BUB1B: variants seen among roughly 807,000 people sequenced by gnomAD.
BUB1B encodes BUB1 mitotic checkpoint serine/threonine kinase B, also known as mitotic checkpoint serine/threonine-protein kinase BUB1 beta.
BUB1B carries 86 observed loss-of-function variants against 137.7 expected under a neutral mutation model. The ratio of observed to expected loss-of-function variants is 0.62; its 90% CI spans 0.52 to 0.75. The LOEUF is 0.75. BUB1B is among the 30% of genes least tolerant of loss of function. The pLI is 0.00. For synonymous variants in BUB1B, 420 were observed against 417.9 expected, an observed-to-expected ratio of 1.00 and a Z score of -0.06; for missense variants, 1,130 against 1,236.9, an observed-to-expected ratio of 0.91 and a Z score of 1.30.
chr15:40,195,560 T>C lies in BUB1B; in HGVS notation c.1059-985T>C, dbSNP rs913796743. On this transcript the variant is annotated intron_variant, in intron 8 of 22. Transcript: ENST00000287598. ...TTAGTTCCTTAAGGAATCTCCGTAC[T>C]GTTTTCCATAGTGGTTGTACGAGTT... 7.9e-5 allele frequency among the ~76,000 whole-genome samples: 12 copies of C among 152,248 alleles called. 1 individual carries two copies. Among genetic ancestry groups the C allele is most frequent in the Admixed American group, 7.9e-4 (12 of 15,284 alleles).
chr15:40,220,622 G>C lies in BUB1B; in HGVS notation c.3016G>C (p.Glu1006Gln). The C allele has an allele frequency of 6.2e-7, 1 of 1,614,208 alleles. No individual in the cohort carries two copies. Among genetic ancestry groups the C allele is most frequent in the Non-Finnish European group, 8.5e-7 (1 of 1,180,034 alleles). Residue 1006 changes from glutamate to glutamine, a missense_variant, in exon 23 of 23, where the codon GAG becomes CAG. By Grantham distance (29) the Glu-to-Gln change is conservative. Transcript: ENST00000287598. ...TGTGCGGATTCTGAATGCCAATGAT[G>C]AGGCCACAGTGTCTGTTCTTGGGGA... ...FFVRILNANDEATVSVLGELA... is the reference protein window; with the variant it reads ...FFVRILNANDQATVSVLGELA...
At chr15:40,217,428 A>G in intron 20 of BUB1B, 68 bp from the exon 21 acceptor site, 2 of 1,427,286 alleles carry the variant, frequency 1.4e-6, no homozygotes, top group Non-Finnish European at 1.9e-6. Flanking sequence ...TTTTTTTTTT[A>G]AAGACCAGCT....
At position 40,185,389 on chromosome 15, in the gene BUB1B, C is replaced by T. The variant is rs759939155; in HGVS notation, c.966+10C>T. The T allele has an allele frequency of 1.2e-6, 2 of 1,613,622 alleles. No individual in the cohort carries two copies. The highest frequency in any genetic ancestry group is 1.7e-6 in the Non-Finnish European group (2 of 1,179,758). ...GTCCTTGGAACACAGGGTAAGGACT[C>T]TTAGATCCAGTGCTTTGCTGACACA... On this transcript the variant is annotated intron_variant, in intron 7 of 22. Transcript: ENST00000287598.
intron 18 of BUB1B, among the ~76,000 whole-genome samples, 155 bp from the exon 19 acceptor site, chr15:40,212,344 A>G (rs188153383): frequency 6.6e-6 from 1 of 152,316 alleles, no homozygotes; most frequent in East Asian, 1.9e-4. Flanking sequence ...TCTTTCCAGA[A>G]TTTGTTGTTA....
rs185599777 is a variant in BUB1B, at chr15:40,192,892, C to T, written c.1059-3653C>T. 2.1e-3 allele frequency among the ~76,000 whole-genome samples: 324 copies of T among 152,306 alleles called. 1 individual carries two copies. The highest frequency in any genetic ancestry group is 7.5e-3 in the Admixed American group (114 of 15,298). On this transcript the variant is annotated intron_variant, in intron 8 of 22. Coordinates refer to ENST00000287598, the MANE Select transcript of BUB1B (RefSeq NM_001211.6). The stretch of plus-strand genomic sequence containing the variant: ...TGTTTTAAATAGTCTTGTTCTTTCA[C>T]CTACGCTGGAGTACAGTAGCATGAT...
chr15:40,180,775 G>T (rs960407200), intron 5 of BUB1B, among the ~76,000 whole-genome samples: 1 of 146,982 alleles, frequency 6.8e-6, no homozygotes, highest in Non-Finnish European at 1.5e-5. Context: ...TCAGCCTCCC[G>T]AGTAGCTGGG....
intron 14 of BUB1B, among the ~76,000 whole-genome samples, chr15:40,205,441 A>T (rs1033963716): frequency 6.6e-6 from 1 of 152,196 alleles, no homozygotes; most frequent in African/African-American, 2.4e-5. Flanking sequence ...AATCTCTCTG[A>T]GGACAGCTAA....
chr15:40,191,371 C>CGGGAA (rs2037435857), intron 8 of BUB1B, among the ~76,000 whole-genome samples: 1 of 152,154 alleles, frequency 6.6e-6, no homozygotes, highest in Non-Finnish European at 1.5e-5. Context: ...GATACAACTT[C>CGGGAA]TTTTCGGATA....
At chr15:40,180,501 A>G (rs1044124249) in intron 5 of BUB1B, among the ~76,000 whole-genome samples, 1 of 151,520 alleles carries the variant, frequency 6.6e-6, no homozygotes, top group Non-Finnish European at 1.5e-5. Flanking sequence ...CCTGACCTCA[A>G]ATGGTCTGCC....
intron 6 of BUB1B, 80 bp downstream of exon 6, chr15:40,183,963 C>A: frequency 7.0e-7 from 1 of 1,436,606 alleles, no homozygotes; most frequent in East Asian, 2.4e-5. Flanking sequence ...CATAAATATA[C>A]CTGTGGACAC....
chr15:40,192,951 A>G (rs190813868), intron 8 of BUB1B, among the ~76,000 whole-genome samples: 1 of 152,132 alleles, frequency 6.6e-6, no homozygotes, highest in Non-Finnish European at 1.5e-5. Context: ...CCTGGACTCA[A>G]GTGATCCTCC....
chr15:40,208,333 T>C (rs1221616599), intron 15 of BUB1B, among the ~76,000 whole-genome samples: 1 of 150,738 alleles, frequency 6.6e-6, no homozygotes, highest in African/African-American at 2.4e-5. Flanking sequence ...AAGTCAGGAG[T>C]TCAAGACCAG....
chr15:40,202,820 T>C, intron 14 of BUB1B, 126 bp downstream of exon 14: 1 of 823,592 alleles, frequency 1.2e-6, no homozygotes, highest in South Asian at 1.4e-5. Context: ...TGCTCAGCAT[T>C]ACTACTCAAC....
At chr15:40,192,328 T>G (rs2037447825) in intron 8 of BUB1B, among the ~76,000 whole-genome samples, 1 of 152,216 alleles carries the variant, frequency 6.6e-6, no homozygotes, top group Non-Finnish European at 1.5e-5. Context: ...CAGTTTTTCC[T>G]ATTACTAACA....
chr15:40,201,458 T>C (rs1177824326), intron 12 of BUB1B, among the ~76,000 whole-genome samples: 3 of 152,286 alleles, frequency 2.0e-5, no homozygotes, highest in South Asian at 2.1e-4. Context: ...ATTGGAAATA[T>C]AAAGCATGGA....
intron 12 of BUB1B, among the ~76,000 whole-genome samples, chr15:40,201,328 C>G (rs945628578): frequency 3.9e-5 from 6 of 152,090 alleles, no homozygotes; most frequent in African/African-American, 1.2e-4. Context: ...AATTGGTTTT[C>G]TTTTCTTCAA....
chr15:40,210,138 A>T lies in BUB1B; in HGVS notation c.2313A>T (p.Glu771Asp). 1.2e-6 allele frequency: 2 copies of T among 1,612,344 alleles called. No individual in the cohort carries two copies. Among genetic ancestry groups the T allele is most frequent in the Non-Finnish European group, 1.7e-6 (2 of 1,178,506 alleles). Residue 771 changes from glutamate (E) to aspartate (D), a missense_variant, in exon 18 of 23, where the codon GAA (glutamate) becomes GAT (aspartate). Glu to Asp is a conservative substitution (Grantham distance 45, BLOSUM62 2). Transcript: ENST00000287598. ...ATGAGGATTACTGCATTAAACGAGA[A>T]TACCTAATATGTGAAGATTACAAGT... ...LGNEDYCIKR[E>D]YLICEDYKLF...
rs2037079994 is a variant in BUB1B, at chr15:40,165,080, A to G, written c.63A>G (p.Glu21=). The G allele has an allele frequency of 6.2e-7, 1 of 1,614,174 alleles. No individual in the cohort carries two copies. Among genetic ancestry groups the G allele is most frequent in the Non-Finnish European group, 8.5e-7 (1 of 1,180,012 alleles). The change falls in exon 2 of 23, where the codon GAA becomes GAG. Residue 21 remains glutamate, a synonymous_variant. Coordinates refer to ENST00000287598, the MANE Select transcript of BUB1B (RefSeq NM_001211.6). ...AAGCCATGTCCCTGGAGGGAGATGA[A>G]TGGGAACTGAGTAAAGAAAATGTAC... The part of the protein sequence containing the change: ...LSEAMSLEGD[E]WELSKENVQP...
chr15:40,166,102 C>T (rs974596861), intron 2 of BUB1B, among the ~76,000 whole-genome samples: 2 of 152,258 alleles, frequency 1.3e-5, no homozygotes, highest in African/African-American at 4.8e-5. Flanking sequence ...ATCCGCCCAC[C>T]TTGGCATCCC....
Sources: allele counts gnomAD v4.1 joint callset (sites outside exome capture counted in the v4.1 genomes callset), GRCh38; gene constraint gnomAD v4.1.1; transcripts MANE v1.5; gene names NCBI Gene and HGNC (gene_info 2026-07-23, HGNC 2026-07-21).